NAV2: variants seen among roughly 807,000 people sequenced by gnomAD.
NAV2 encodes the protein helicase, APC down-regulated 1.
Under a neutral mutation model 223.2 loss-of-function variants are expected in NAV2, and 54 were observed. The ratio of observed to expected loss-of-function variants is 0.24; its 90% CI spans 0.19 to 0.30. NAV2 has a LOEUF of 0.30. Ranked by LOEUF, NAV2 falls within the 10% of genes least tolerant of loss-of-function variation. The pLI, the probability that NAV2 is intolerant of heterozygous loss-of-function variation, is 1.00. For synonymous variants in NAV2, 1,279 were observed against 1,239.3 expected (o/e 1.03, Z -0.67); for missense variants, 2,806 against 3,147.5 (o/e 0.89, Z 2.60).
At chr11:19,876,566 G>A (rs1010437118) in intron 4 of NAV2, among the ~76,000 whole-genome samples, 2 of 152,146 alleles carry the variant, frequency 1.3e-5, no homozygotes, top group African/African-American at 4.8e-5. Context: ...TATTGGAGGA[G>A]CACTGTAGTC....
rs201278935 is a variant in NAV2, at chr11:20,055,840, G to T, written c.4714G>T (p.Ala1572Ser). Residue 1572 changes from alanine (A) to serine (S), a missense_variant, in exon 19 of 38, where the codon GCT becomes TCT. Physicochemically the swap from Ala to Ser is moderately conservative, Grantham distance 99. Coordinates refer to ENST00000349880, the MANE Select transcript of NAV2 (RefSeq NM_145117.5). ...GCTGAGGACTCACAGCCTCTCCAAT[G>T]CTGATGGGCAGTATGATCCATACAC... ...TMLRTHSLSN[A>S]DGQYDPYTDS... is the part of the protein sequence containing the mutation. 6.2e-6 allele frequency: 10 copies of T among 1,614,178 alleles called. No homozygotes were observed. The highest frequency in any genetic ancestry group is 8.5e-6 in the Non-Finnish European group (10 of 1,180,032).
At position 20,062,488 on chromosome 11, in the gene NAV2, A is replaced by G. The variant is rs944771467; in HGVS notation, c.4884+129A>G. ...TCCATTATAAGGGGATCAATTAATT[A>G]GGGAACAAGATTTAAAATTCACAAA... is the stretch of plus-strand genomic sequence containing the variant. On this transcript the variant is annotated intron_variant, in intron 20 of 37. Transcript: ENST00000349880. 5 of 682,540 alleles carry G rather than the reference A, an allele frequency of 7.3e-6. No homozygotes were observed. The African/African-American group carries it at 9.0e-5, about 12-fold the overall frequency. 42.3% of individuals were successfully genotyped at this position (682,540 alleles called of 1,614,324 possible).
At chr11:19,956,844 T>C (rs936703639) in intron 10 of NAV2, among the ~76,000 whole-genome samples, 1 of 152,190 alleles carries the variant, frequency 6.6e-6, no homozygotes, top group African/African-American at 2.4e-5. Context: ...CTTACTGTCT[T>C]GGAGGTCAGA....
At chr11:19,623,624 T>C (rs1157780044) in intron 1 of NAV2, among the ~76,000 whole-genome samples, 1 of 152,244 alleles carries the variant, frequency 6.6e-6, no homozygotes, top group Non-Finnish European at 1.5e-5. Context: ...ATCAGGTCAT[T>C]TGAGGTCTTC....
rs374769800 is a variant in NAV2 at position 20,023,699 on chromosome 11, G to GGTGTGTGTGTGTGT, written c.2769-12237_2769-12224dup. Reference sequence around the variant, plus strand: ...GTTGTGTTTATACAGCAAATTGCTGGGTGTGTGTGTGTGTGTGTGTGTGTG... The same window carrying GGTGTGTGTGTGTGT: ...GTTGTGTTTATACAGCAAATTGCTGGGTGTGTGTGTGTGTGTGTGTGTGTGTGTGTGTGTGTGTG... On this transcript the variant is annotated intron_variant, in intron 11 of 37. Transcript: ENST00000349880. 3.4e-3 allele frequency among the ~76,000 whole-genome samples: 498 copies of GGTGTGTGTGTGTGT among 144,664 alleles called. 3 individuals carry two copies. Among genetic ancestry groups the GGTGTGTGTGTGTGT allele is most frequent in the African/African-American group, 8.2e-3 (318 of 38,750 alleles). The allele number at this position is 144,664 out of a possible 152,430, so 94.9% of individuals were successfully genotyped here.
At chr11:19,508,585 A>G (rs763160443) in intron 1 of NAV2, among the ~76,000 whole-genome samples, 13 of 152,026 alleles carry the variant, frequency 8.6e-5, no homozygotes, top group Non-Finnish European at 7.4e-5. Context: ...TGTAAATGTT[A>G]CCTCTTCAGG....
At chr11:19,593,486 A>G (rs775878863) in intron 1 of NAV2, among the ~76,000 whole-genome samples, 1 of 152,246 alleles carries the variant, frequency 6.6e-6, no homozygotes, top group African/African-American at 2.4e-5. Flanking sequence ...TTTGACGTAT[A>G]AAGCAGCTAT....
At position 19,483,816 on chromosome 11, in the gene NAV2, A is replaced by G. The variant is rs574749451; in HGVS notation, c.75+132789A>G. On this transcript the variant is annotated intron_variant, in intron 1 of 37. Transcript: ENST00000360655. ...TGGGGGTCTAGAAATGCATCCCGCA[A>G]GGTTAAGGGGGGACCACTGTTCTTG... 7.9e-5 allele frequency among the ~76,000 whole-genome samples: 12 copies of G among 152,286 alleles called. No homozygotes were observed. In the East Asian group the frequency reaches 2.3e-3, roughly 29 times the overall value.
chr11:19,468,024 G>A (rs1374564305), intron 1 of NAV2, among the ~76,000 whole-genome samples: 1 of 152,192 alleles, frequency 6.6e-6, no homozygotes, highest in Non-Finnish European at 1.5e-5. Flanking sequence ...GTGGGCAGAA[G>A]GAGCTGATGA....
At chr11:19,587,007 G>C (rs1399523118) in intron 1 of NAV2, among the ~76,000 whole-genome samples, 1 of 152,246 alleles carries the variant, frequency 6.6e-6, no homozygotes, top group South Asian at 2.1e-4. Flanking sequence ...AGGCCTCCTT[G>C]AGCTGAGGTG....
Position 20,049,067 on chromosome 11 carries a change from C to G in NAV2, c.4242C>G (p.Ile1414Met). The change falls in exon 15 of 38, where the codon ATC becomes ATG. Residue 1414 changes from isoleucine (I) to methionine (M), a missense_variant. This residue lies in a region of NAV2 where 742 missense variants were observed against 777.9 expected (regional missense o/e 0.95). Coordinates refer to ENST00000349880, the MANE Select transcript of NAV2 (RefSeq NM_145117.5). ...VSSLHTSCES[I>M]DISLSSGGVP... ...GCCTCCACACCAGCTGTGAGTCCAT[C>G]GACATCTCCCTCAGCAGTGGAGGGG... 6.2e-7 allele frequency: 1 copy of G among 1,614,076 alleles called. No homozygotes were observed. Among genetic ancestry groups the G allele is most frequent in the Non-Finnish European group, 8.5e-7 (1 of 1,180,020 alleles).
chr11:19,593,340 T>C (rs1325212689), intron 1 of NAV2, among the ~76,000 whole-genome samples: 4 of 152,232 alleles, frequency 2.6e-5, no homozygotes, highest in Non-Finnish European at 4.4e-5. Context: ...TTCATTCCTC[T>C]GTTCCTGGTG....
intron 1 of NAV2, among the ~76,000 whole-genome samples, chr11:19,609,798 G>A (rs921783213): frequency 6.6e-6 from 1 of 152,200 alleles, no homozygotes; most frequent in Non-Finnish European, 1.5e-5. Flanking sequence ...TACACTCAAA[G>A]CTTGAGAGGA....
intron 1 of NAV2, among the ~76,000 whole-genome samples, chr11:19,469,281 T>G (rs2041884729): frequency 6.6e-6 from 1 of 152,150 alleles, no homozygotes; most frequent in East Asian, 1.9e-4. Flanking sequence ...AGCCCCAGGG[T>G]GAAGCAGAGT....
intron 1 of NAV2, among the ~76,000 whole-genome samples, chr11:19,781,078 C>A (rs2033225582): frequency 6.6e-6 from 1 of 152,130 alleles, no homozygotes; most frequent in Admixed American, 6.5e-5. Flanking sequence ...CTCTACAATC[C>A]TCTGAAATAA....
chr11:19,564,305 TC>T (rs1311136698), intron 1 of NAV2, among the ~76,000 whole-genome samples: 1 of 152,092 alleles, frequency 6.6e-6, no homozygotes, highest in East Asian at 1.9e-4. Context: ...TCTCGAATTT[TC>T]CCCCCACTGT....
chr11:20,061,712 C>T (rs1270061436), intron 19 of NAV2, among the ~76,000 whole-genome samples: 1 of 152,000 alleles, frequency 6.6e-6, no homozygotes, highest in African/African-American at 2.4e-5. Flanking sequence ...TGATAGAAAT[C>T]AAATAAAGAA....
chr11:19,930,697 C>T (rs2045251706), intron 6 of NAV2, among the ~76,000 whole-genome samples: 1 of 152,124 alleles, frequency 6.6e-6, no homozygotes, highest in African/African-American at 2.4e-5. Flanking sequence ...TGAATAGATA[C>T]ATATGAATGA....
intron 1 of NAV2, among the ~76,000 whole-genome samples, chr11:19,441,590 A>C (rs571690710): frequency 1.3e-5 from 2 of 152,332 alleles, no homozygotes; most frequent in East Asian, 3.9e-4. Context: ...TTTTAGAAAC[A>C]ACCCACTCCT....
Sources: allele counts gnomAD v4.1 joint callset (sites outside exome capture counted in the v4.1 genomes callset), GRCh38; gene constraint gnomAD v4.1.1; regional missense constraint gnomAD v4.1.1; transcripts MANE v1.5; gene names NCBI Gene and HGNC (gene_info 2026-07-23, HGNC 2026-07-21).